Variants in ADARB2 observed in about 807,000 individuals in gnomAD.
ADARB2 encodes adenosine deaminase RNA specific B2 (inactive).
In ADARB2, 25 loss-of-function variants were observed where a neutral mutation model predicts 62.2. That is an observed-to-expected ratio of 0.40 (90% CI 0.29 to 0.56). The LOEUF (loss-of-function observed/expected upper bound fraction) is 0.56. Ranked by LOEUF, ADARB2 falls within the 20% of genes least tolerant of loss-of-function variation. The pLI is 0.43. For synonymous variants in ADARB2, 572 were observed against 500.8 expected, an observed-to-expected ratio of 1.14 and a Z score of -1.90; for missense variants, 1,071 against 1,077.4, an observed-to-expected ratio of 0.99 and a Z score of 0.08.
At chr10:1,444,566 T>A (rs939764945) in intron 1 of ADARB2, among the ~76,000 whole-genome samples, 1 of 146,378 alleles carries the variant, frequency 6.8e-6, no homozygotes. Flanking sequence ...CATCCATCCA[T>A]CCACCCACCA....
chr10:1,725,277 C>T (rs535951867), intron 1 of ADARB2, among the ~76,000 whole-genome samples: 4 of 152,298 alleles, frequency 2.6e-5, no homozygotes, highest in East Asian at 3.9e-4. Flanking sequence ...ACTCCTGAAC[C>T]GGAGTGGTCT....
Position 1,438,455 on chromosome 10 carries a change from C to G in ADARB2, c.101-59295G>C, listed in dbSNP as rs147136583. ...TCACTATGGGGCTCCTGAGTCTCCT[C>G]GGTGGACAGAAGCAGGTTCTTCACT... On this transcript the variant is annotated intron_variant, in intron 1 of 9. Coordinates refer to ENST00000381312, the MANE Select transcript of ADARB2 (RefSeq NM_018702.4). 9.5e-3 allele frequency among the ~76,000 whole-genome samples: 1,380 copies of G among 144,882 alleles called. 1 individual carries two copies. The highest frequency in any genetic ancestry group is 0.031 in the African/African-American group (1,137 of 37,258).
chr10:1,338,738 G>A (rs1000929327), intron 3 of ADARB2, among the ~76,000 whole-genome samples: 2 of 152,192 alleles, frequency 1.3e-5, no homozygotes, highest in South Asian at 2.1e-4. Flanking sequence ...TGGATAGAGA[G>A]GTGGAGGAAG....
At chr10:1,202,909 G>A (rs1307562558) in intron 7 of ADARB2, among the ~76,000 whole-genome samples, 1 of 152,200 alleles carries the variant, frequency 6.6e-6, no homozygotes, top group African/African-American at 2.4e-5. Context: ...TGATGCTGCA[G>A]GACCGTCGGA....
chr10:1,263,173 C>T (rs1198495597), intron 4 of ADARB2, among the ~76,000 whole-genome samples: 1 of 151,432 alleles, frequency 6.6e-6, no homozygotes, highest in East Asian at 1.9e-4. Flanking sequence ...GGAGATATAC[C>T]TAATGCTAAA....
At chr10:1,261,274 A>T (rs1208551435) in intron 4 of ADARB2, among the ~76,000 whole-genome samples, 3 of 150,522 alleles carry the variant, frequency 2.0e-5, no homozygotes, top group Non-Finnish European at 4.4e-5. Flanking sequence ...CACCAACAGC[A>T]ATGGCAACAA....
At chr10:1,333,060 T>A (rs1166596730) in intron 3 of ADARB2, among the ~76,000 whole-genome samples, 1 of 152,232 alleles carries the variant, frequency 6.6e-6, no homozygotes, top group Non-Finnish European at 1.5e-5. Context: ...CAATTGCAAG[T>A]GGCCATCTCA....
At position 1,307,179 on chromosome 10, in the gene ADARB2, C is replaced by T. The variant is rs1278124343; in HGVS notation, c.1078-36110G>A. Among the ~76,000 whole-genome samples, 13 of 101,896 alleles carry T rather than the reference C, an allele frequency of 1.3e-4. 1 individual carries two copies. The East Asian group carries it at 1.7e-3, about 14-fold the overall frequency. 66.8% of individuals were successfully genotyped at this position (101,896 alleles called of 152,430 possible). A position where few individuals can be genotyped will look rare whatever the true frequency, so the allele number is the denominator to read the frequency against. ...AATGGGAGAAAATTTTCGCAACCTACGCATCTGACAAAGGGCTAATATCCA... is the reference window on the plus strand; with the variant it reads ...AATGGGAGAAAATTTTCGCAACCTATGCATCTGACAAAGGGCTAATATCCA... On this transcript the variant is annotated intron_variant, in intron 3 of 9. Coordinates refer to ENST00000381312, the MANE Select transcript of ADARB2 (RefSeq NM_018702.4).
intron 3 of ADARB2, among the ~76,000 whole-genome samples, chr10:1,352,176 A>G (rs1422558084): frequency 6.6e-6 from 1 of 151,920 alleles, no homozygotes; most frequent in African/African-American, 2.4e-5. Context: ...CATAATTCTC[A>G]TAAAAACACA....
At chr10:1,293,244 C>CG (rs1181404013) in intron 3 of ADARB2, among the ~76,000 whole-genome samples, 35 of 61,004 alleles carry the variant, frequency 5.7e-4, no homozygotes, top group Non-Finnish European at 8.3e-4. Flanking sequence ...GAGAGAGGGA[C>CG]GGGGGGAGAG....
chr10:1,371,231 G>T (rs184015644), intron 2 of ADARB2, among the ~76,000 whole-genome samples: 14 of 152,286 alleles, frequency 9.2e-5, no homozygotes, highest in African/African-American at 3.4e-4. Context: ...TGGGAAATTG[G>T]CTATCCATAT....
chr10:1,295,751 GTTTTA>G (rs1455278975), intron 3 of ADARB2, among the ~76,000 whole-genome samples: 14 of 152,284 alleles, frequency 9.2e-5, no homozygotes, highest in Middle Eastern at 3.4e-3. Context: ...ATGATAAATG[GTTTTA>G]TTTTATTCTT....
intron 1 of ADARB2, among the ~76,000 whole-genome samples, chr10:1,472,249 A>G (rs981341192): frequency 6.6e-6 from 1 of 152,224 alleles, no homozygotes; most frequent in Admixed American, 6.5e-5. Flanking sequence ...CCCAGGGAAT[A>G]CTTTTCTCCA....
intron 6 of ADARB2, among the ~76,000 whole-genome samples, chr10:1,227,452 C>T (rs187578835): frequency 0.018 from 2,682 of 152,316 alleles, 35 homozygotes; most frequent in Middle Eastern, 0.048. Context: ...GAGATGAACC[C>T]GGTACCTCAG....
At chr10:1,460,178 GTGTAA>G in intron 1 of ADARB2, among the ~76,000 whole-genome samples, 2 of 32,386 alleles carry the variant, frequency 6.2e-5, no homozygotes, top group Non-Finnish European at 7.2e-5. Flanking sequence ...GAGTTTACCT[GTGTAA>G]CAAACCTGCC....
chr10:1,459,594 T>C (rs1418930768), intron 1 of ADARB2, among the ~76,000 whole-genome samples: 2 of 152,168 alleles, frequency 1.3e-5, no homozygotes, highest in African/African-American at 4.8e-5. Flanking sequence ...CCAAACCCCG[T>C]CTCTACTAAA....
At chr10:1,690,713 G>A (rs1459203251) in intron 1 of ADARB2, among the ~76,000 whole-genome samples, 1 of 152,232 alleles carries the variant, frequency 6.6e-6, no homozygotes, top group Admixed American at 6.5e-5. Context: ...GAAGCCCAAG[G>A]CCTGCTGACT....
chr10:1,525,816 CGT>C (rs1320202833), intron 1 of ADARB2, among the ~76,000 whole-genome samples: 1 of 151,188 alleles, frequency 6.6e-6, no homozygotes. Flanking sequence ...TGAGCATGTA[CGT>C]GTGTGCGCAT....
intron 1 of ADARB2, among the ~76,000 whole-genome samples, chr10:1,483,270 T>C (rs773604777): frequency 6.8e-4 from 104 of 152,346 alleles, no homozygotes; most frequent in Non-Finnish European, 9.7e-4. Context: ...TTTCAACACG[T>C]TTCTGTTTCA....
Sources: allele counts gnomAD v4.1 joint callset (sites outside exome capture counted in the v4.1 genomes callset), GRCh38; gene constraint gnomAD v4.1.1; transcripts MANE v1.5; gene names NCBI Gene and HGNC (gene_info 2026-07-23, HGNC 2026-07-21).